Variants in CAND2 observed in about 807,000 individuals in gnomAD.
CAND2 encodes the protein cullin associated and neddylation dissociated 2 (putative).
In CAND2, 62 loss-of-function variants were observed where a neutral mutation model predicts 98.9. The observed-to-expected ratio is 0.63, with a 90% CI of 0.51 to 0.77. The LOEUF (loss-of-function observed/expected upper bound fraction) is 0.77, where lower values mean the gene tolerates loss of function less well. Among genes scored for constraint, CAND2 ranks in the 30% least tolerant of loss-of-function variants. The pLI is 0.00. For synonymous variants in CAND2, 770 were observed against 731.9 expected, an observed-to-expected ratio of 1.05 and a Z score of -0.84; for missense variants, 1,501 against 1,655.2, an observed-to-expected ratio of 0.91 and a Z score of 1.62.
At chr3:12,802,098 T>C (rs2061770694) in intron 1 of CAND2, among the ~76,000 whole-genome samples, 2 of 152,140 alleles carry the variant, frequency 1.3e-5, no homozygotes, top group Admixed American at 1.3e-4. Flanking sequence ...GAGGCCGAGG[T>C]GGGCGGATCA....
intron 5 of CAND2, 93 bp downstream of exon 5, chr3:12,810,417 G>A: frequency 8.0e-7 from 1 of 1,252,440 alleles, no homozygotes; most frequent in South Asian, 1.8e-5. Flanking sequence ...TTGGGCCGCA[G>A]TGCAGCCAGG....
rs201739910 is a variant in CAND2, at chr3:12,815,909, C to T, written c.1342C>T (p.Arg448Trp). 65 of 1,613,614 alleles carry T rather than the reference C, an allele frequency of 4.0e-5. No individual in the cohort carries two copies. In the African/African-American group the frequency reaches 4.9e-4, roughly 12 times the overall value. Residue 448 changes from arginine (R) to tryptophan (W), a missense_variant, in exon 9 of 15, where the codon CGG (arginine) becomes TGG (tryptophan). This residue lies in a region of CAND2 where 1,427 missense variants were observed against 1,545.3 expected (regional missense o/e 0.92). Coordinates refer to ENST00000456430, the MANE Select transcript of CAND2 (RefSeq NM_001162499.2). This position sits in a 1 kb window ranked among gnomAD's most constrained non-coding sequence, Gnocchi z 5.7. ...GGCCCTGCAGCGGCAGCTTAAAGAT[C>T]GGAGCGTCAGAGCCCGCCAGGGATG... ...VKALQRQLKD[R>W]SVRARQGCFS...
At chr3:12,798,194 T>C (rs910727517) in intron 1 of CAND2, among the ~76,000 whole-genome samples, 1 of 152,210 alleles carries the variant, frequency 6.6e-6, no homozygotes, top group African/African-American at 2.4e-5. Flanking sequence ...GACACTGTTA[T>C]GATTCTGTGC....
chr3:12,832,338 G>C (rs768605688), intron 14 of CAND2: 2 of 152,202 alleles, frequency 1.3e-5, no homozygotes, highest in Non-Finnish European at 2.9e-5. Context: ...TACAGGGCCA[G>C]GCCAGTTTTG....
rs1302454519 is a variant in CAND2 at position 12,834,103 on chromosome 3, T to G, written c.*121T>G. 1.3e-6 allele frequency: 1 copy of G among 780,748 alleles called. No homozygotes were observed. The highest frequency in any genetic ancestry group is 1.7e-5 in the African/African-American group (1 of 58,014). The allele number at this position is 780,748 out of a possible 1,614,324, so 48.4% of individuals were successfully genotyped here. A position where few individuals can be genotyped will look rare whatever the true frequency, so the allele number is the denominator to read the frequency against. On this transcript the variant is annotated 3_prime_UTR_variant, in exon 15 of 15. Coordinates refer to ENST00000456430, the MANE Select transcript of CAND2 (RefSeq NM_001162499.2). ...CCTTCCACCATCTCACTGGGGGCCC[T>G]GTCGCTCCTGGTCAGGGCTTACAGT...
intron 5 of CAND2, among the ~76,000 whole-genome samples, chr3:12,811,346 T>C (rs866640770): frequency 1.3e-5 from 2 of 152,134 alleles, no homozygotes; most frequent in African/African-American, 2.4e-5. Flanking sequence ...TCTCTTCTTA[T>C]GCTGTAGGGA....
chr3:12,826,325 T>C (rs954195265), intron 12 of CAND2, among the ~76,000 whole-genome samples: 2 of 152,240 alleles, frequency 1.3e-5, no homozygotes, highest in Non-Finnish European at 2.9e-5. Flanking sequence ...TGTGGAATAC[T>C]AGCAGCATTG....
chr3:12,812,963 G>T, intron 5 of CAND2, 27 bp from the exon 6 acceptor site: 1 of 1,448,352 alleles, frequency 6.9e-7, no homozygotes, highest in Non-Finnish European at 9.5e-7. Context: ...GTCTGGCTTG[G>T]GTTCAGTGAT....
rs914304751 is a variant in CAND2 at position 12,834,166 on chromosome 3, A to C, written c.*184A>C. On this transcript the variant is annotated 3_prime_UTR_variant, in exon 15 of 15. Coordinates refer to ENST00000456430, the MANE Select transcript of CAND2 (RefSeq NM_001162499.2). ...GACCCAACTCAAAGGCCCCCAGCCCAAGCTGTGAGGCTGCCAACAGTTGGG... is the reference window on the plus strand; with the variant it reads ...GACCCAACTCAAAGGCCCCCAGCCCCAGCTGTGAGGCTGCCAACAGTTGGG... 1 of 599,844 alleles carries C rather than the reference A, an allele frequency of 1.7e-6. No individual in the cohort carries two copies. Among genetic ancestry groups the C allele is most frequent in the African/African-American group, 1.9e-5 (1 of 53,872 alleles). The allele number at this position is 599,844 out of a possible 1,614,324, so 37.2% of individuals were successfully genotyped here.
Position 12,825,561 on chromosome 3 carries a change from G to A in CAND2, c.3132G>A (p.Ser1044=), listed in dbSNP as rs1354134159. ...ACTCAGCTGTGCACAACAAGCCCTC[G>A]CTAGTCCGGGACCTGCTGGATGACA... The part of the protein sequence containing the change: ...FFNSAVHNKP[S]LVRDLLDDIL... The change falls in exon 12 of 15, where the codon TCG becomes TCA. Residue 1044 remains serine, a synonymous_variant. Coordinates refer to ENST00000456430, the MANE Select transcript of CAND2 (RefSeq NM_001162499.2). 6.2e-6 allele frequency: 10 copies of A among 1,610,830 alleles called. No homozygotes were observed. In the African/African-American group the frequency reaches 8.0e-5, roughly 13 times the overall value.
intron 2 of CAND2, among the ~76,000 whole-genome samples, chr3:12,805,300 T>C (rs995782886): frequency 2.0e-5 from 3 of 151,716 alleles, no homozygotes; most frequent in Non-Finnish European, 4.4e-5. Context: ...TCTTTTTTTT[T>C]TTTTTGAAAC....
chr3:12,823,555 C>T (rs1245461738), intron 11 of CAND2, among the ~76,000 whole-genome samples: 2 of 152,106 alleles, frequency 1.3e-5, no homozygotes, highest in African/African-American at 4.8e-5. Context: ...AGTGAAACCC[C>T]GTCTCTACTA....
chr3:12,809,636 G>A (rs1401870232), intron 4 of CAND2, among the ~76,000 whole-genome samples: 2 of 152,068 alleles, frequency 1.3e-5, no homozygotes, highest in Non-Finnish European at 2.9e-5. Flanking sequence ...ATCTCCAAAG[G>A]CACTAGGGAG....
At chr3:12,829,445 C>T (rs1328559447) in intron 13 of CAND2, among the ~76,000 whole-genome samples, 2 of 152,196 alleles carry the variant, frequency 1.3e-5, no homozygotes, top group Non-Finnish European at 2.9e-5. Flanking sequence ...CCACGCCCGG[C>T]CCCATATTAC....
intron 11 of CAND2, among the ~76,000 whole-genome samples, chr3:12,824,689 C>G (rs150278230): frequency 3.9e-4 from 59 of 152,282 alleles, no homozygotes; most frequent in Middle Eastern, 3.4e-3. Context: ...TGGTGGATTA[C>G]TTGAGGTCAG....
At chr3:12,798,274 ACCT>A (rs1354108504) in intron 1 of CAND2, among the ~76,000 whole-genome samples, 1 of 151,312 alleles carries the variant, frequency 6.6e-6, no homozygotes, top group African/African-American at 2.4e-5. Flanking sequence ...CTCTCCCTTG[ACCT>A]CCTCCCTTCA....
At chr3:12,814,982 T>G (rs1187224054) in intron 7 of CAND2, among the ~76,000 whole-genome samples, 159 bp from the exon 8 acceptor site, 2 of 152,042 alleles carry the variant, frequency 1.3e-5, no homozygotes, top group Non-Finnish European at 2.9e-5. Flanking sequence ...AGATGCCCAT[T>G]AAAAGGTAGG....
At chr3:12,808,392 T>G in intron 4 of CAND2, 59 bp downstream of exon 4, 1 of 1,536,162 alleles carries the variant, frequency 6.5e-7, no homozygotes, top group Non-Finnish European at 8.8e-7. Context: ...AGGGAGGGAC[T>G]CAAATCACAG....
chr3:12,818,371 G>T (rs933790028), intron 10 of CAND2, among the ~76,000 whole-genome samples: 1 of 152,240 alleles, frequency 6.6e-6, no homozygotes, highest in Admixed American at 6.5e-5. Context: ...TTTCCCAGTA[G>T]CCGTAGACTG....
Sources: allele counts gnomAD v4.1 joint callset (sites outside exome capture counted in the v4.1 genomes callset), GRCh38; gene constraint gnomAD v4.1.1; regional missense constraint gnomAD v4.1.1; non-coding constraint Gnocchi (gnomAD v3.1); transcripts MANE v1.5; gene names NCBI Gene and HGNC (gene_info 2026-07-23, HGNC 2026-07-21).